Variants in SLC20A2 observed in about 807,000 individuals in gnomAD.
SLC20A2 encodes sodium-dependent phosphate transporter 2.
SLC20A2 carries 30 observed loss-of-function variants against 61.0 expected under a neutral mutation model. That is an observed-to-expected ratio of 0.49 (90% CI 0.37 to 0.67). SLC20A2 has a LOEUF of 0.67. Ranked by LOEUF, SLC20A2 falls within the 30% of genes least tolerant of loss-of-function variation. The pLI, the probability that SLC20A2 is intolerant of heterozygous loss-of-function variation, is 0.00. For synonymous variants in SLC20A2, 351 were observed against 353.3 expected (o/e 0.99, Z 0.07); for missense variants, 626 against 866.4 (o/e 0.72, Z 3.48).
At position 42,518,483 on chromosome 8, in the gene SLC20A2, G is replaced by A. The variant is rs557702516; in HGVS notation, c.-265+23338C>T. Among the ~76,000 whole-genome samples the A allele has an allele frequency of 9.5e-4, 145 of 152,202 alleles. No individual in the cohort carries two copies. In the South Asian group the frequency reaches 0.029, roughly 31 times the overall value. On this transcript the variant is annotated intron_variant, in intron 1 of 10. Transcript: ENST00000342228. ...CTTCAGAATCATGTTCAGAGTTTGA[G>A]CCTATTTAAAAAACAAAAATCTAAC...
chr8:42,505,884 A>C (rs1201354292), upstream of SLC20A2, among the ~76,000 whole-genome samples: 3 of 151,766 alleles, frequency 2.0e-5, no homozygotes, highest in Non-Finnish European at 4.4e-5. Flanking sequence ...GTGAGACTCT[A>C]TCTCAAAGAA....
chr8:42,498,458 C>T (rs1461128274), intron 1 of SLC20A2, among the ~76,000 whole-genome samples: 1 of 151,894 alleles, frequency 6.6e-6, no homozygotes, highest in African/African-American at 2.4e-5. Flanking sequence ...ATTTTTTTTT[C>T]TGCCAGTGTA....
At chr8:42,428,687 T>C (rs1456278184) in intron 10 of SLC20A2, 71 bp downstream of exon 10, 5 of 1,377,320 alleles carry the variant, frequency 3.6e-6, no homozygotes, top group Non-Finnish European at 5.0e-6. Flanking sequence ...CAGCTTCCCT[T>C]GCATGCGCTC....
intron 10 of SLC20A2, chr8:42,419,715 A>G (rs1802916271): frequency 2.1e-6 from 2 of 967,168 alleles, no homozygotes; most frequent in Non-Finnish European, 2.5e-6. Flanking sequence ...CTGTTAATGT[A>G]GTGTCATCCA....
At chr8:42,459,214 TGA>T (rs1197278467) in intron 5 of SLC20A2, among the ~76,000 whole-genome samples, 161 of 117,274 alleles carry the variant, frequency 1.4e-3, no homozygotes, top group Non-Finnish European at 2.0e-3. Flanking sequence ...CCATCCTGGG[TGA>T]GAGAGTGAGA....
chr8:42,477,376 C>T (rs980650917), intron 1 of SLC20A2, among the ~76,000 whole-genome samples: 2 of 152,048 alleles, frequency 1.3e-5, no homozygotes, highest in Middle Eastern at 3.2e-3. Context: ...TCCCCAGCCT[C>T]CTCCCTTAGA....
intron 1 of SLC20A2, among the ~76,000 whole-genome samples, chr8:42,488,168 T>G (rs911093441): frequency 1.3e-5 from 2 of 149,130 alleles, no homozygotes; most frequent in East Asian, 4.0e-4. Flanking sequence ...TTAGCGACTG[T>G]GAATAATACT....
chr8:42,518,616 G>A (rs34991405), intron 1 of SLC20A2, among the ~76,000 whole-genome samples: 10,202 of 152,252 alleles, frequency 0.067, 438 homozygotes, highest in Middle Eastern at 0.16. Context: ...TTATTCATCC[G>A]TGTATACTTT....
intron 1 of SLC20A2, among the ~76,000 whole-genome samples, chr8:42,524,766 A>C (rs1001226968): frequency 5.3e-5 from 8 of 151,314 alleles, no homozygotes; most frequent in African/African-American, 1.9e-4. Flanking sequence ...AGCTTAAGCA[A>C]CAAGAGCAAA....
intron 1 of SLC20A2, among the ~76,000 whole-genome samples, chr8:42,497,431 G>A (rs1810007479): frequency 1.3e-5 from 2 of 152,042 alleles, no homozygotes; most frequent in South Asian, 2.1e-4. Flanking sequence ...GCCTGGGTGG[G>A]GCCTGAGAAT....
intron 1 of SLC20A2, among the ~76,000 whole-genome samples, chr8:42,498,590 C>T (rs1486456134): frequency 2.0e-5 from 3 of 152,142 alleles, no homozygotes; most frequent in Non-Finnish European, 4.4e-5. Context: ...TAAATAATGA[C>T]AGCAGTACCC....
chr8:42,528,461 CA>C (rs202206274), intron 1 of SLC20A2, among the ~76,000 whole-genome samples: 3,576 of 124,650 alleles, frequency 0.029, 98 homozygotes, highest in Admixed American at 0.093. Context: ...GACTCCATCT[CA>C]AAAAAAAAAA....
chr8:42,488,930 G>GTTTT (rs1563516699), intron 1 of SLC20A2, among the ~76,000 whole-genome samples: 1 of 129,052 alleles, frequency 7.7e-6, no homozygotes. Context: ...AGTTATAGGA[G>GTTTT]TTTTGTTTTT....
At chr8:42,480,191 C>CA (rs1244194319) in intron 1 of SLC20A2, among the ~76,000 whole-genome samples, 1 of 152,232 alleles carries the variant, frequency 6.6e-6, no homozygotes, top group Non-Finnish European at 1.5e-5. Flanking sequence ...AACATGGGAA[C>CA]ACACAATGAC....
rs998384773 is a variant in SLC20A2, at chr8:42,517,798, C to G, written c.-265+24023G>C. 2.0e-5 allele frequency among the ~76,000 whole-genome samples: 3 copies of G among 152,252 alleles called. No homozygotes were observed. In the East Asian group the frequency reaches 5.8e-4, roughly 29 times the overall value. ...GTCAACTGACACTAACTCATTTATT[C>G]TAACAGAGAAGACATCCAGAAACTA... On this transcript the variant is annotated intron_variant, in intron 1 of 10. Transcript: ENST00000342228.
chr8:42,478,135 C>T (rs759628852), intron 1 of SLC20A2, among the ~76,000 whole-genome samples: 15 of 151,684 alleles, frequency 9.9e-5, no homozygotes, highest in African/African-American at 2.4e-4. Context: ...CAACCCGCCT[C>T]GGCCTCTCAA....
chr8:42,532,312 CAAT>C (rs1193164137), intron 1 of SLC20A2, among the ~76,000 whole-genome samples: 6 of 152,158 alleles, frequency 3.9e-5, no homozygotes, highest in African/African-American at 1.4e-4. Context: ...TAGAAATTAA[CAAT>C]GAGTCCTTTT....
At chr8:42,501,945 G>A (rs975213579), upstream of SLC20A2, among the ~76,000 whole-genome samples, 5 of 152,110 alleles carry the variant, frequency 3.3e-5, no homozygotes, top group African/African-American at 9.7e-5. Context: ...AAGAAAATCA[G>A]AACATGAAAA....
chr8:42,480,425 G>T (rs1258569104), intron 1 of SLC20A2: 2 of 152,000 alleles, frequency 1.3e-5, no homozygotes, highest in Admixed American at 6.6e-5. Context: ...ACAAAAACAG[G>T]CTTAGTTTTC....
Sources: allele counts gnomAD v4.1 joint callset (sites outside exome capture counted in the v4.1 genomes callset), GRCh38; gene constraint gnomAD v4.1.1; transcripts MANE v1.5; gene names NCBI Gene and HGNC (gene_info 2026-07-23, HGNC 2026-07-21).